Variants in NUMA1 observed in about 807,000 individuals in gnomAD.
NUMA1 encodes the protein nuclear mitotic apparatus protein 1.
Under a neutral mutation model 237.1 loss-of-function variants are expected in NUMA1, and 62 were observed. The observed-to-expected ratio is 0.26, with a 90% confidence interval of 0.21 to 0.32. The LOEUF (loss-of-function observed/expected upper bound fraction) is 0.32, where lower values mean the gene tolerates loss of function less well. Ranked by LOEUF, NUMA1 falls within the 10% of genes least tolerant of loss-of-function variation. NUMA1 has a pLI of 1.00. For missense variants in NUMA1, 2,533 were observed against 2,666.5 expected, an observed-to-expected ratio of 0.95 and a Z score of 1.10; for synonymous variants, 1,028 against 1,066.1, an observed-to-expected ratio of 0.96 and a Z score of 0.70.
chr11:72,013,918 G>T lies in NUMA1; in HGVS notation c.3585C>A (p.Phe1195Leu), dbSNP rs1956320148. ...TGCTGTGGTCTTGTACCTTGGTGCG[G>T]AAGGCAGCCAACTCCCGTTGGGCCG... ...LASAQRELAA[F>L]RTKVQDHSKA... is the part of the protein sequence containing the mutation. Residue 1195 changes from phenylalanine to leucine, a missense_variant, in exon 15 of 27, where the codon TTC (phenylalanine) becomes TTA (leucine). This residue lies in a region of NUMA1 where 1,414 missense variants were observed against 1,508.1 expected (regional missense o/e 0.94). Coordinates refer to ENST00000393695, the MANE Select transcript of NUMA1 (RefSeq NM_006185.4). The surrounding 1 kb of genome is among the most constrained non-coding windows in gnomAD (Gnocchi z 6.8). 2 of 1,613,964 alleles carry T rather than the reference G, an allele frequency of 1.2e-6. No homozygotes were observed. The highest frequency in any genetic ancestry group is 1.7e-6 in the Non-Finnish European group (2 of 1,180,030).
chr11:72,057,300 C>T (rs1360710378), intron 2 of NUMA1, among the ~76,000 whole-genome samples: 1 of 152,162 alleles, frequency 6.6e-6, no homozygotes, highest in Non-Finnish European at 1.5e-5. Flanking sequence ...AAAGCTGGTT[C>T]CTTCAATGCT....
intron 13 of NUMA1, chr11:72,017,300 C>G (rs1281773491): frequency 7.3e-6 from 2 of 272,626 alleles, no homozygotes; most frequent in Admixed American, 9.3e-5. Flanking sequence ...TGAGAGCTTA[C>G]TTTACACTAC....
Position 72,015,237 on chromosome 11 carries a change from C to A in NUMA1, c.2266G>T (p.Glu756Ter), listed in dbSNP as rs1956441737. 1.9e-6 allele frequency: 3 copies of A among 1,613,618 alleles called. No individual in the cohort carries two copies. Among genetic ancestry groups the A allele is most frequent in the Non-Finnish European group, 1.7e-6 (2 of 1,180,034 alleles). Residue 756 changes from glutamate to a stop codon, truncating the protein, a stop_gained, in exon 15 of 27, where the codon GAG becomes TAG. Coordinates refer to ENST00000393695, the MANE Select transcript of NUMA1 (RefSeq NM_006185.4). LOFTEE classifies it high-confidence loss of function. The surrounding 1 kb of genome is among the most constrained non-coding windows in gnomAD (Gnocchi z 4.0). ...LVEQHKRERK[E>*]LEEERAGRKG... is the part of the protein sequence containing the mutation. The stretch of plus-strand genomic sequence containing the variant: ...CGCCCAGCCCTCTCTTCTTCCAGCT[C>A]CTTTCGTTCCCGCTTATGCTGCTCC...
At chr11:72,065,185 T>G in intron 2 of NUMA1, 1 of 152,212 alleles carries the variant, frequency 6.6e-6, no homozygotes, top group African/African-American at 2.4e-5. Flanking sequence ...ACCAAAAACG[T>G]AGACAAAAAC....
intron 18 of NUMA1, 34 bp downstream of exon 18, chr11:72,009,234 G>A (rs1955973474): frequency 1.3e-6 from 2 of 1,598,126 alleles, no homozygotes; most frequent in Non-Finnish European, 1.7e-6. Context: ...AAGGGCAGGA[G>A]GAAGGTGGCA....
At chr11:72,049,762 A>G (rs1942238923) in intron 2 of NUMA1, among the ~76,000 whole-genome samples, 1 of 150,198 alleles carries the variant, frequency 6.7e-6, no homozygotes, top group South Asian at 2.1e-4. Flanking sequence ...GTTTGGGGTT[A>G]CAGTGAGCTA....
In NUMA1 at chr11:72,009,010, G is replaced by A. The variant is rs1278206104; in HGVS notation, c.5015C>T (p.Thr1672Ile). The change falls in exon 19 of 27, where the codon ACC becomes ATC. Residue 1672 changes from threonine to isoleucine, a missense_variant. This residue lies in a region of NUMA1 where 795 missense variants were observed against 750.8 expected (regional missense o/e 1.06). Coordinates refer to ENST00000393695, the MANE Select transcript of NUMA1 (RefSeq NM_006185.4). ...AGLKTKEAEQ[T>I]CRHLTAQVRS... ...CACCTGGGCAGTAAGGTGGCGGCAGGTCTGTTCAGCCTCCTTGGTCTTCAG... is the reference window on the plus strand; with the variant it reads ...CACCTGGGCAGTAAGGTGGCGGCAGATCTGTTCAGCCTCCTTGGTCTTCAG... 6.2e-7 allele frequency: 1 copy of A among 1,613,718 alleles called. No individual in the cohort carries two copies.
At chr11:72,008,120 G>A (rs999830866) in intron 20 of NUMA1, 11 of 479,334 alleles carry the variant, frequency 2.3e-5, no homozygotes, top group Admixed American at 9.3e-5. Flanking sequence ...GACAAATCAG[G>A]TATAATTGTC....
intron 5 of NUMA1, among the ~76,000 whole-genome samples, chr11:72,023,620 T>A (rs1331517285): frequency 6.6e-6 from 1 of 152,128 alleles, no homozygotes; most frequent in African/African-American, 2.4e-5. Context: ...GCCTCACCTT[T>A]CCTATAATTC....
rs1352413059 is a variant in NUMA1 at position 72,006,196 on chromosome 11, G to A, written c.5531C>T (p.Ser1844Phe). 3 of 1,614,178 alleles carry A rather than the reference G, an allele frequency of 1.9e-6. No individual in the cohort carries two copies. Among genetic ancestry groups the A allele is most frequent in the African/African-American group, 1.3e-5 (1 of 75,060 alleles). Reference sequence around the variant, plus strand: ...GGAGGTGGCTCGCAGGCTAGCCTGGGAAGCAGGAGCAGACCGCGTGCTGTA... The same window carrying A: ...GGAGGTGGCTCGCAGGCTAGCCTGGAAAGCAGGAGCAGACCGCGTGCTGTA... ...SFYSTRSAPA[S>F]QASLRATSST... Residue 1844 changes from serine (S) to phenylalanine (F), a missense_variant, in exon 22 of 27, where the codon TCC becomes TTC. Ser to Phe is a radical substitution (Grantham distance 155). Coordinates refer to ENST00000393695, the MANE Select transcript of NUMA1 (RefSeq NM_006185.4).
intron 2 of NUMA1, among the ~76,000 whole-genome samples, chr11:72,069,270 CT>C (rs1394107971): frequency 6.6e-6 from 1 of 152,124 alleles, no homozygotes; most frequent in Non-Finnish European, 1.5e-5. Flanking sequence ...CTAACTGTCC[CT>C]TTTTACATAT....
intron 2 of NUMA1, among the ~76,000 whole-genome samples, chr11:72,043,547 T>TTC (rs71052843): frequency 1.3e-5 from 2 of 149,166 alleles, no homozygotes; most frequent in African/African-American, 4.9e-5. Flanking sequence ...TTTTTTTTTT[T>TTC]CTGTAGAGAC....
At chr11:72,025,883 G>A (rs899517774) in intron 4 of NUMA1, among the ~76,000 whole-genome samples, 15 of 152,212 alleles carry the variant, frequency 9.9e-5, no homozygotes, top group Admixed American at 4.6e-4. Context: ...TCCCAAATGA[G>A]CCATTTTCCC....
intron 2 of NUMA1, chr11:72,040,533 A>T (rs1479729477): frequency 6.5e-6 from 1 of 154,766 alleles, no homozygotes; most frequent in Non-Finnish European, 1.4e-5. Context: ...CCCCACCACT[A>T]TATTCACACA....
Position 72,002,880 on chromosome 11 carries a change from G to A in NUMA1, c.*647C>T, listed in dbSNP as rs1955353896. On this transcript the variant is annotated 3_prime_UTR_variant, in exon 27 of 27. Transcript: ENST00000393695. Reference sequence around the variant, plus strand: ...ACTCAGTACTCACGGGAGAAAAATAGACTTTATTTACAAGTAATAACATTT... The same window carrying A: ...ACTCAGTACTCACGGGAGAAAAATAAACTTTATTTACAAGTAATAACATTT... The A allele has an allele frequency of 4.5e-6, 1 of 222,082 alleles. No individual in the cohort carries two copies. The highest frequency in any genetic ancestry group is 2.2e-5 in the African/African-American group (1 of 44,652). The allele number at this position is 222,082 out of a possible 1,614,324, so 13.8% of individuals were successfully genotyped here. A position where few individuals can be genotyped will look rare whatever the true frequency, so the allele number is the denominator to read the frequency against.
chr11:72,013,732 G>T lies in NUMA1; in HGVS notation c.3771C>A (p.Ala1257=). The T allele has an allele frequency of 4.3e-6, 7 of 1,609,756 alleles. No homozygotes were observed. The South Asian group carries it at 5.5e-5, about 13-fold the overall frequency. ...ESKELKRLVM[A]ESEKSQKLEE... is the part of the protein sequence containing the mutation. Reference sequence around the variant, plus strand: ...CCAGCTTCTGGCTCTTCTCTGACTCGGCCATCACCAGCCGCTTCAACTCCT... The same window carrying T: ...CCAGCTTCTGGCTCTTCTCTGACTCTGCCATCACCAGCCGCTTCAACTCCT... The change falls in exon 15 of 27, where the codon GCC becomes GCA. Residue 1257 remains alanine (A), a synonymous_variant. Transcript: ENST00000393695. This position sits in a 1 kb window ranked among gnomAD's most constrained non-coding sequence, Gnocchi z 6.8.
At chr11:72,034,424 A>G (rs1324107000) in intron 3 of NUMA1, among the ~76,000 whole-genome samples, 1 of 151,814 alleles carries the variant, frequency 6.6e-6, no homozygotes, top group Non-Finnish European at 1.5e-5. Context: ...AAAAAATGAT[A>G]CTGGCCAGGC....
At position 72,013,530 on chromosome 11, in the gene NUMA1, G is replaced by A. The variant is rs1956289466; in HGVS notation, c.3973C>T (p.Leu1325=). Residue 1325 remains leucine (L), a synonymous_variant, in exon 15 of 27, where the codon CTG becomes TTG. Transcript: ENST00000393695. The surrounding 1 kb of genome is among the most constrained non-coding windows in gnomAD (Gnocchi z 6.8). ...TGCCACGCCTTCAATTCTTGGCCCA[G>A]CTCCTCCGCACGCTCAGCCTGTGAG... The part of the protein sequence containing the change: ...LTSQAERAEE[L]GQELKAWQEK... 6.2e-7 allele frequency: 1 copy of A among 1,613,518 alleles called. No individual in the cohort carries two copies. The highest frequency in any genetic ancestry group is 1.7e-5 in the Admixed American group (1 of 60,026).
rs549064653 is a variant in NUMA1 at position 72,015,085 on chromosome 11, G to A, written c.2418C>T (p.Leu806=). 51 of 1,613,894 alleles carry A rather than the reference G, an allele frequency of 3.2e-5. 1 individual carries two copies. The highest frequency in any genetic ancestry group is 2.5e-4 in the African/African-American group (19 of 75,054). Residue 806 remains leucine, a synonymous_variant, in exon 15 of 27, where the codon CTC becomes CTT. Coordinates refer to ENST00000393695, the MANE Select transcript of NUMA1 (RefSeq NM_006185.4). The surrounding 1 kb of genome is among the most constrained non-coding windows in gnomAD (Gnocchi z 4.0). ...QHTAESECEQ[L]VKEVAAWRER... is the part of the protein sequence containing the mutation. ...CACGCCAGGCAGCTACTTCTTTGAC[G>A]AGCTGCTCACACTCACTCTCAGCTG...
Sources: allele counts gnomAD v4.1 joint callset (sites outside exome capture counted in the v4.1 genomes callset), GRCh38; gene constraint gnomAD v4.1.1; regional missense constraint gnomAD v4.1.1; non-coding constraint Gnocchi (gnomAD v3.1); transcripts MANE v1.5; gene names NCBI Gene and HGNC (gene_info 2026-07-23, HGNC 2026-07-21).